TEX36: variants seen among roughly 807,000 people sequenced by gnomAD.
TEX36 encodes testis expressed 36.
In TEX36, 12 loss-of-function variants were observed where a neutral mutation model predicts 13.6. That is an observed-to-expected ratio of 0.88 (90% CI 0.56 to 1.43). TEX36 has a LOEUF of 1.43. Among genes scored for constraint, TEX36 ranks in the 40% most tolerant of loss-of-function variants. The probability of loss-of-function intolerance (pLI) is 0.00; values close to 1 mark genes in which losing one functional copy is unlikely to be tolerated. For missense variants in TEX36, 224 were observed against 228.3 expected (o/e 0.98, Z 0.12); for synonymous variants, 93 against 83.0 (o/e 1.12, Z -0.65).
intron 3 of TEX36, among the ~76,000 whole-genome samples, chr10:125,600,057 C>G (rs188396998): frequency 2.0e-5 from 3 of 152,332 alleles, no homozygotes; most frequent in Admixed American, 2.0e-4. Flanking sequence ...GTTCAGGAAA[C>G]TGGGCCTGGA....
chr10:125,679,429 G>C (rs1329900252), intron 1 of TEX36, among the ~76,000 whole-genome samples: 3 of 152,182 alleles, frequency 2.0e-5, no homozygotes, highest in Non-Finnish European at 4.4e-5. Context: ...ATAGCAGCCT[G>C]GGTCTCAGAA....
At chr10:125,604,788 G>C (rs1310622744) in intron 3 of TEX36, among the ~76,000 whole-genome samples, 2 of 151,962 alleles carry the variant, frequency 1.3e-5, no homozygotes, top group African/African-American at 4.8e-5. Flanking sequence ...CTCCAGCCTG[G>C]AGACAGAGCG....
At chr10:125,667,094 CG>C in intron 1 of TEX36, 1 of 1,042,380 alleles carries the variant, frequency 9.6e-7, no homozygotes, top group Non-Finnish European at 1.5e-6. Flanking sequence ...TTGTTAATGG[CG>C]TTGAGGTTGA....
chr10:125,648,883 G>A (rs964236728), intron 3 of TEX36, among the ~76,000 whole-genome samples: 24 of 152,180 alleles, frequency 1.6e-4, no homozygotes, highest in African/African-American at 4.8e-4. Context: ...TAGCCGATTC[G>A]ATCAACTGGA....
chr10:125,626,756 A>C (rs1846495323), intron 3 of TEX36, among the ~76,000 whole-genome samples: 1 of 152,192 alleles, frequency 6.6e-6, no homozygotes, highest in African/African-American at 2.4e-5. Context: ...GGAGAGCACT[A>C]AATCCAACAC....
chr10:125,580,600 T>A (rs576772808), intron 3 of TEX36, among the ~76,000 whole-genome samples: 1 of 152,154 alleles, frequency 6.6e-6, no homozygotes, highest in East Asian at 1.9e-4. Context: ...ATGGAAGGGA[T>A]CAGACCCCAA....
intron 3 of TEX36, among the ~76,000 whole-genome samples, chr10:125,649,510 A>T (rs752000106): frequency 3.3e-5 from 5 of 152,224 alleles, no homozygotes; most frequent in Non-Finnish European, 5.9e-5. Context: ...AGCGCTAAAC[A>T]TGGAAAGGAA....
intron 3 of TEX36, among the ~76,000 whole-genome samples, chr10:125,614,776 G>T (rs1846336249): frequency 6.6e-6 from 1 of 152,096 alleles, no homozygotes. Flanking sequence ...CTCTTTTTTG[G>T]TTCCATATGA....
At chr10:125,587,370 T>G (rs1444434789) in intron 3 of TEX36, among the ~76,000 whole-genome samples, 1 of 152,156 alleles carries the variant, frequency 6.6e-6, no homozygotes. Context: ...TAATTTAATT[T>G]TTAAAGGTTA....
intron 1 of TEX36, among the ~76,000 whole-genome samples, chr10:125,663,697 C>T (rs1847080879): frequency 6.6e-6 from 1 of 151,904 alleles, no homozygotes; most frequent in Admixed American, 6.6e-5. Context: ...TATATGTCTC[C>T]TTTTTTAAAT....
chr10:125,661,205 C>A, intron 2 of TEX36, 104 bp from the exon 3 acceptor site: 2 of 894,548 alleles, frequency 2.2e-6, no homozygotes, highest in South Asian at 1.4e-5. Flanking sequence ...GCAAAGCGAC[C>A]TCTAAGAAAG....
intron 3 of TEX36, among the ~76,000 whole-genome samples, chr10:125,605,817 G>T (rs911527957): frequency 6.6e-6 from 1 of 152,156 alleles, no homozygotes; most frequent in East Asian, 1.9e-4. Context: ...GGCCAGGCTG[G>T]TCTCGAACTC....
chr10:125,642,844 ATTGGTTGG>A (rs532374798), intron 3 of TEX36, among the ~76,000 whole-genome samples: 12 of 152,028 alleles, frequency 7.9e-5, no homozygotes, highest in African/African-American at 2.4e-4. Context: ...ATTTAATCGC[ATTGGTTGG>A]TTGGTTGGTT....
At position 125,603,293 on chromosome 10, in the gene TEX36, T is replaced by C. The variant is rs1215896137; in HGVS notation, c.265-26419A>G. Among the ~76,000 whole-genome samples, 6 of 152,148 alleles carry C rather than the reference T, an allele frequency of 3.9e-5. 1 individual carries two copies. The highest frequency in any genetic ancestry group is 1.4e-4 in the African/African-American group (6 of 41,464). ...GATTTCTCCGACTTCCAAGTACCTG[T>C]GCCTGTGCCCCCATCCCTGCACCAG... On this transcript the variant is annotated intron_variant, in intron 3 of 3. Coordinates refer to the TEX36 transcript ENST00000532135.
At chr10:125,654,671 T>C (rs144070839), downstream of TEX36, among the ~76,000 whole-genome samples, 342 of 152,288 alleles carry the variant, frequency 2.2e-3, 2 homozygotes, top group African/African-American at 8.0e-3. Context: ...GAGGCCACTG[T>C]GTGGGAAAAG....
chr10:125,587,659 C>A (rs1845972238), intron 3 of TEX36, among the ~76,000 whole-genome samples: 1 of 152,024 alleles, frequency 6.6e-6, no homozygotes. Context: ...CGGTGGCATG[C>A]ACCTGTAATC....
chr10:125,583,539 G>A (rs1203820557), intron 3 of TEX36, among the ~76,000 whole-genome samples: 1 of 152,182 alleles, frequency 6.6e-6, no homozygotes, highest in Non-Finnish European at 1.5e-5. Flanking sequence ...AAGTCTTCAT[G>A]ACTTAATCAC....
chr10:125,606,698 CCGGAGATAA>C (rs1846220245), intron 3 of TEX36, among the ~76,000 whole-genome samples: 1 of 152,156 alleles, frequency 6.6e-6, no homozygotes, highest in African/African-American at 2.4e-5. Context: ...TATTACTGTT[CCGGAGATAA>C]CAGCTAAGGT....
rs190856521 is a variant in TEX36, at chr10:125,683,066, T to G, written c.-77A>C. ...AGCTCTACATGTCTGGGAAGCTGCT[T>G]CCTAAACTTCATAAGCTCTACACGT... On this transcript the variant is annotated 5_prime_UTR_variant, in exon 1 of 4. Transcript: ENST00000368821. 2 of 1,480,660 alleles carry G rather than the reference T, an allele frequency of 1.4e-6. No homozygotes were observed. The highest frequency in any genetic ancestry group is 1.4e-5 in the African/African-American group (1 of 71,556). The allele number at this position is 1,480,660 out of a possible 1,614,324, so 91.7% of individuals were successfully genotyped here.
Sources: gnomAD v4.1 joint callset for allele counts (sites outside exome capture counted in the v4.1 genomes callset) on GRCh38, gnomAD v4.1.1 for gene constraint, MANE v1.5 for transcripts, NCBI Gene and HGNC (gene_info 2026-07-23, HGNC 2026-07-21) for gene names.